SREBF2: variants seen among roughly 807,000 people sequenced by gnomAD.
SREBF2 encodes sterol regulatory element-binding protein 2.
SREBF2 carries 55 observed loss-of-function variants against 113.1 expected under a neutral mutation model. The observed-to-expected ratio is 0.49, with a 90% CI of 0.39 to 0.61. The LOEUF (loss-of-function observed/expected upper bound fraction) is 0.61, where lower values mean the gene tolerates loss of function less well. Among genes scored for constraint, SREBF2 ranks in the 20% least tolerant of loss-of-function variants. The pLI is 0.00. For synonymous variants in SREBF2, 593 were observed against 605.7 expected, an observed-to-expected ratio of 0.98 and a Z score of 0.31; for missense variants, 1,349 against 1,487.4, an observed-to-expected ratio of 0.91 and a Z score of 1.53.
At chr22:41,842,209 C>T (rs1445795388) in intron 1 of SREBF2, among the ~76,000 whole-genome samples, 1 of 152,108 alleles carries the variant, frequency 6.6e-6, no homozygotes, top group Non-Finnish European at 1.5e-5. Context: ...TGCTCCCGGC[C>T]CTACCCACTA....
rs1439012535 is a variant in SREBF2, at chr22:41,905,623, T to A, written c.3389T>A (p.Val1130Asp). 1.9e-6 allele frequency: 3 copies of A among 1,596,966 alleles called. No individual in the cohort carries two copies. Among genetic ancestry groups the A allele is most frequent in the Non-Finnish European group, 2.6e-6 (3 of 1,172,812 alleles). Residue 1130 changes from valine to aspartate, a missense_variant, in exon 19 of 19, where the codon GTT (valine) becomes GAT (aspartate). Val to Asp is a radical substitution (Grantham distance 152, BLOSUM62 -3). Around this residue, in one of 2 missense-constraint regions of SREBF2, gnomAD observed 650 missense variants for 644.1 expected, o/e 1.01. Coordinates refer to ENST00000361204, the MANE Select transcript of SREBF2 (RefSeq NM_004599.4). ...TGCAACGACTGCCAGCAGATGATTG[T>A]TAAGCTGGGTGGTGGCACTGCCATT... ...RSCNDCQQMI[V>D]KLGGGTAIAA...
At chr22:41,900,107 C>A (rs189881646) in intron 15 of SREBF2, 3 of 1,444,050 alleles carry the variant, frequency 2.1e-6, no homozygotes, top group Admixed American at 4.7e-5. Context: ...TCTCTGACTT[C>A]CAGCATTGAA....
intron 11 of SREBF2, among the ~76,000 whole-genome samples, chr22:41,888,255 G>A (rs1435215993): frequency 6.6e-6 from 1 of 152,156 alleles, no homozygotes; most frequent in Non-Finnish European, 1.5e-5. Context: ...TCTGCTAGAC[G>A]CTTTATTTTT....
chr22:41,895,132 C>G (rs1321252694), intron 13 of SREBF2, among the ~76,000 whole-genome samples, 195 bp downstream of exon 13: 1 of 151,332 alleles, frequency 6.6e-6, no homozygotes, highest in East Asian at 1.9e-4. Flanking sequence ...TCCTCCTAGA[C>G]CAAGTGCGTT....
chr22:41,841,949 C>T (rs117014147), intron 1 of SREBF2, among the ~76,000 whole-genome samples: 10 of 152,184 alleles, frequency 6.6e-5, no homozygotes, highest in African/African-American at 2.4e-4. Flanking sequence ...AACATAAGCA[C>T]TGTTCTGAAT....
chr22:41,884,766 A>T, intron 10 of SREBF2, 76 bp from the exon 11 acceptor site: 1 of 1,520,954 alleles, frequency 6.6e-7, no homozygotes, highest in East Asian at 2.3e-5. Flanking sequence ...TCTTACTTTG[A>T]TCGTGCTGGA....
At chr22:41,871,350 G>A (rs1296946616) in intron 4 of SREBF2, among the ~76,000 whole-genome samples, 1 of 152,064 alleles carries the variant, frequency 6.6e-6, no homozygotes, top group Non-Finnish European at 1.5e-5. Flanking sequence ...AAGGACCCTA[G>A]GGCCACCAGG....
chr22:41,906,130 T>C lies in SREBF2; in HGVS notation c.*470T>C. ...AATGTTTTCTACCAGTGTGCTTGGG[T>C]TTGCCATGATGCGAGGCTGAGTTGC... On this transcript the variant is annotated 3_prime_UTR_variant, in exon 19 of 19. Coordinates refer to ENST00000361204, the MANE Select transcript of SREBF2 (RefSeq NM_004599.4). 1 of 395,252 alleles carries C rather than the reference T, an allele frequency of 2.5e-6. No homozygotes were observed. Among genetic ancestry groups the C allele is most frequent in the South Asian group, 1.9e-5 (1 of 53,026 alleles). 24.5% of individuals were successfully genotyped at this position (395,252 alleles called of 1,614,324 possible).
At chr22:41,904,566 G>A (rs770668972) in intron 17 of SREBF2, 1 of 599,974 alleles carries the variant, frequency 1.7e-6, no homozygotes, top group South Asian at 1.5e-5. Context: ...CTTCACCCAG[G>A]GCACTTGTCT....
At chr22:41,848,863 T>C (rs1026226542) in intron 1 of SREBF2, among the ~76,000 whole-genome samples, 1 of 152,126 alleles carries the variant, frequency 6.6e-6, no homozygotes, top group Non-Finnish European at 1.5e-5. Context: ...CCAGGTGATT[T>C]ACATATATTA....
chr22:41,870,550 C>T (rs565471285), intron 3 of SREBF2, among the ~76,000 whole-genome samples: 5 of 146,618 alleles, frequency 3.4e-5, no homozygotes, highest in South Asian at 2.2e-4. Context: ...CACTTGAGCC[C>T]GGGAGGTCAA....
chr22:41,856,474 A>G (rs2076978913), intron 1 of SREBF2, among the ~76,000 whole-genome samples: 1 of 152,220 alleles, frequency 6.6e-6, no homozygotes, highest in Non-Finnish European at 1.5e-5. Flanking sequence ...TTCAAGAACT[A>G]AAAGATGACT....
chr22:41,884,156 G>C (rs1453697223), intron 10 of SREBF2, among the ~76,000 whole-genome samples: 1 of 152,100 alleles, frequency 6.6e-6, no homozygotes, highest in Admixed American at 6.5e-5. Flanking sequence ...TTTTTTGGGG[G>C]ACAGAGTCTC....
At chr22:41,865,763 T>G (rs1025687811) in intron 1 of SREBF2, among the ~76,000 whole-genome samples, 1 of 152,160 alleles carries the variant, frequency 6.6e-6, no homozygotes, top group African/African-American at 2.4e-5. Flanking sequence ...GCTTGCTGTG[T>G]CCTGGCCTGG....
intron 8 of SREBF2, 143 bp from the exon 9 acceptor site, chr22:41,877,799 C>T (rs1179895828): frequency 2.2e-6 from 2 of 922,718 alleles, no homozygotes; most frequent in Non-Finnish European, 3.5e-6. Context: ...GTCATTAGCC[C>T]TGTTTAGATT....
intron 15 of SREBF2, chr22:41,899,967 G>A: frequency 8.3e-7 from 1 of 1,199,894 alleles, no homozygotes; most frequent in Non-Finnish European, 1.1e-6. Context: ...ACATCTCTGG[G>A]GGGGTGGTCC....
At position 41,898,719 on chromosome 22, in the gene SREBF2, T is replaced by A; in HGVS notation, c.2676T>A (p.Asp892Glu). The A allele has an allele frequency of 6.2e-7, 1 of 1,614,134 alleles. No individual in the cohort carries two copies. The change falls in exon 15 of 19, where the codon GAT becomes GAA. Residue 892 changes from aspartate (D) to glutamate (E), a missense_variant. Physicochemically the swap from Asp to Glu is conservative, Grantham distance 45. This residue lies in a region of SREBF2 where 650 missense variants were observed against 644.1 expected (regional missense o/e 1.01). Transcript: ENST00000361204. ...CCATCAGCTGGCTCCAGGGAGACGATGCAGCTGTGCGCTCTCATTTTACCA... is the reference window on the plus strand; with the variant it reads ...CCATCAGCTGGCTCCAGGGAGACGAAGCAGCTGTGCGCTCTCATTTTACCA... Reference protein sequence around the residue: ...TVAISWLQGDDAAVRSHFTKV... With the variant: ...TVAISWLQGDEAAVRSHFTKV...
rs764299691 is a variant in SREBF2, at chr22:41,866,875, T to A, written c.133T>A (p.Leu45Met). The A allele has an allele frequency of 6.2e-7, 1 of 1,614,232 alleles. No homozygotes were observed. The highest frequency in any genetic ancestry group is 1.7e-5 in the Admixed American group (1 of 60,022). Reference sequence around the variant, plus strand: ...TAATCAAGTGGGAGAGTTCCCTGACTTGTTTTCAGAACAGCTGTGTAGCTC... The same window carrying A: ...TAATCAAGTGGGAGAGTTCCCTGACATGTTTTCAGAACAGCTGTGTAGCTC... ...VSNQVGEFPD[L>M]FSEQLCSSFP... The change falls in exon 2 of 19, where the codon TTG (leucine) becomes ATG (methionine). Residue 45 changes from leucine (L) to methionine (M), a missense_variant. Leu to Met is a conservative substitution (Grantham distance 15). Transcript: ENST00000361204.
intron 16 of SREBF2, 53 bp downstream of exon 16, chr22:41,900,551 A>C: frequency 6.4e-7 from 1 of 1,572,976 alleles, no homozygotes; most frequent in Non-Finnish European, 8.7e-7. Flanking sequence ...CTGGTTTACG[A>C]GAACACTCCC....
Sources: gnomAD v4.1 joint callset for allele counts (sites outside exome capture counted in the v4.1 genomes callset) on GRCh38, gnomAD v4.1.1 for gene constraint, gnomAD v4.1.1 regional missense constraint, MANE v1.5 for transcripts, NCBI Gene and HGNC (gene_info 2026-07-23, HGNC 2026-07-21) for gene names.